The following NPAS2 variants were observed in gnomAD, a reference collection of about 807,000 sequenced individuals.
NPAS2 encodes the protein neuronal PAS domain-containing protein 2.
Under a neutral mutation model 107.5 loss-of-function variants are expected in NPAS2, and 23 were observed. The ratio of observed to expected loss-of-function variants is 0.21; its 90% CI spans 0.15 to 0.30. The LOEUF is 0.30. Among genes scored for constraint, NPAS2 ranks in the 10% least tolerant of loss-of-function variants. The pLI is 1.00. For synonymous variants in NPAS2, 403 were observed against 417.5 expected, an observed-to-expected ratio of 0.97 and a Z score of 0.42; for missense variants, 756 against 1,043.3, an observed-to-expected ratio of 0.72 and a Z score of 3.79.
chr2:100,935,750 C>T (rs922491990), intron 4 of NPAS2, among the ~76,000 whole-genome samples: 1 of 152,062 alleles, frequency 6.6e-6, no homozygotes, highest in Non-Finnish European at 1.5e-5. Context: ...TGCCCTTACC[C>T]CTTAAAAAAA....
At chr2:100,901,451 T>G (rs1292648156) in intron 1 of NPAS2, 16 of 888,272 alleles carry the variant, frequency 1.8e-5, no homozygotes, top group Non-Finnish European at 2.2e-5. Context: ...TCCGGAGAGT[T>G]TGTGTTCTAG....
At position 100,820,472 on chromosome 2, in the gene NPAS2, G is replaced by C. The variant is rs1222069328; in HGVS notation, c.-23+58G>C. On this transcript the variant is annotated intron_variant, in intron 1 of 20. Coordinates refer to ENST00000335681, the MANE Select transcript of NPAS2 (RefSeq NM_002518.4). This position sits in a 1 kb window ranked among gnomAD's most constrained non-coding sequence, Gnocchi z 5.6. ...CAGGGTGGGTAGTACGTGCGCGCGGGGTCGCAGGACTCGGTCACCTGCTCG... is the reference window on the plus strand; with the variant it reads ...CAGGGTGGGTAGTACGTGCGCGCGGCGTCGCAGGACTCGGTCACCTGCTCG... The C allele has an allele frequency of 4.0e-5, 6 of 151,294 alleles. No homozygotes were observed. Among genetic ancestry groups the C allele is most frequent in the Non-Finnish European group, 4.4e-5 (3 of 67,812 alleles). 9.4% of individuals were successfully genotyped at this position (151,294 alleles called of 1,614,324 possible).
At chr2:100,953,298 C>T (rs1293365252) in intron 7 of NPAS2, among the ~76,000 whole-genome samples, 6 of 150,230 alleles carry the variant, frequency 4.0e-5, no homozygotes, top group Admixed American at 2.0e-4. Flanking sequence ...GGCTTGAACC[C>T]GGGAGGCGGA....
intron 7 of NPAS2, among the ~76,000 whole-genome samples, chr2:100,955,371 G>A (rs1201669229): frequency 6.6e-6 from 1 of 152,134 alleles, no homozygotes; most frequent in Admixed American, 6.5e-5. Flanking sequence ...TCCTTACCCA[G>A]CACATAAATA....
At chr2:100,825,385 G>GT (rs1676311539) in intron 1 of NPAS2, among the ~76,000 whole-genome samples, 1 of 152,100 alleles carries the variant, frequency 6.6e-6, no homozygotes, top group African/African-American at 2.4e-5. Flanking sequence ...TCCGTTCAGT[G>GT]TTTTTTCTAT....
At chr2:100,919,880 G>A (rs1337926873) in intron 2 of NPAS2, among the ~76,000 whole-genome samples, 1 of 152,090 alleles carries the variant, frequency 6.6e-6, no homozygotes, top group Non-Finnish European at 1.5e-5. Context: ...CACCCTTGGC[G>A]ATTCGTTGGA....
chr2:100,835,206 A>T (rs1347504635), intron 1 of NPAS2, among the ~76,000 whole-genome samples: 2 of 152,248 alleles, frequency 1.3e-5, no homozygotes, highest in African/African-American at 4.8e-5. Context: ...CGGGGCGCAG[A>T]TAAGTTAAAT....
intron 1 of NPAS2, among the ~76,000 whole-genome samples, chr2:100,860,217 C>T (rs1203389104): frequency 6.6e-6 from 1 of 152,176 alleles, no homozygotes; most frequent in African/African-American, 2.4e-5. Flanking sequence ...TGGAAGATTA[C>T]AGGTCATTTC....
intron 5 of NPAS2, among the ~76,000 whole-genome samples, chr2:100,946,691 C>A (rs1171907151): frequency 6.6e-6 from 1 of 152,144 alleles, no homozygotes; most frequent in Non-Finnish European, 1.5e-5. Flanking sequence ...TGATGGAGAA[C>A]AAATTGCACA....
intron 1 of NPAS2, among the ~76,000 whole-genome samples, chr2:100,842,081 G>GCGCGCGTGCACACACACACACA: frequency 2.0e-5 from 3 of 148,798 alleles, no homozygotes; most frequent in Admixed American, 6.7e-5. Context: ...GCATGTACGC[G>GCGCGCGTGCACACACACACACA]CACACACACA....
intron 7 of NPAS2, among the ~76,000 whole-genome samples, chr2:100,954,664 C>CA (rs1194534141): frequency 0.012 from 986 of 80,814 alleles, 16 homozygotes; most frequent in East Asian, 0.029. Flanking sequence ...AACTGTGTCT[C>CA]AAAAAAAAAA....
At chr2:100,893,075 G>A (rs1385632061) in intron 1 of NPAS2, among the ~76,000 whole-genome samples, 1 of 152,176 alleles carries the variant, frequency 6.6e-6, no homozygotes. Flanking sequence ...GCCATTCCCT[G>A]GAGAGGAAGA....
intron 2 of NPAS2, among the ~76,000 whole-genome samples, chr2:100,910,491 A>C (rs1336293697): frequency 6.7e-6 from 1 of 149,872 alleles, no homozygotes; most frequent in East Asian, 2.0e-4. Context: ...TGCTGGGGCA[A>C]CTTTTCTCCC....
chr2:100,875,977 G>A (rs866006347), intron 1 of NPAS2, among the ~76,000 whole-genome samples: 8 of 152,134 alleles, frequency 5.3e-5, no homozygotes, highest in Admixed American at 4.6e-4. Flanking sequence ...TGAAGTGAGG[G>A]CTCTTAAGCT....
chr2:100,982,520 T>A, intron 16 of NPAS2, 143 bp downstream of exon 16: 2 of 946,782 alleles, frequency 2.1e-6, no homozygotes, highest in Non-Finnish European at 3.1e-6. Context: ...CATATTGCAG[T>A]CTCTGCAAAG....
chr2:100,853,397 C>T (rs1320562479), intron 1 of NPAS2, among the ~76,000 whole-genome samples: 1 of 152,202 alleles, frequency 6.6e-6, no homozygotes, highest in Non-Finnish European at 1.5e-5. Flanking sequence ...ATTTCCACAA[C>T]CCCCTAAGGA....
chr2:100,833,069 G>T (rs1676843566), intron 1 of NPAS2, among the ~76,000 whole-genome samples: 1 of 152,126 alleles, frequency 6.6e-6, no homozygotes, highest in African/African-American at 2.4e-5. Context: ...AAAACATTCA[G>T]CCTGCACCGT....
chr2:100,826,088 C>CA (rs1676354289), intron 1 of NPAS2, among the ~76,000 whole-genome samples: 1 of 152,184 alleles, frequency 6.6e-6, no homozygotes, highest in African/African-American at 2.4e-5. Context: ...GACTGATAAC[C>CA]ATGGGGCATG....
intron 1 of NPAS2, among the ~76,000 whole-genome samples, chr2:100,884,248 G>T (rs1468621818): frequency 6.6e-6 from 1 of 151,952 alleles, no homozygotes; most frequent in African/African-American, 2.4e-5. Context: ...CTTTCTCTTT[G>T]CCTAAATGCA....
Sources: allele counts gnomAD v4.1 joint callset (sites outside exome capture counted in the v4.1 genomes callset), GRCh38; gene constraint gnomAD v4.1.1; non-coding constraint Gnocchi (gnomAD v3.1); transcripts MANE v1.5; gene names NCBI Gene and HGNC (gene_info 2026-07-23, HGNC 2026-07-21).